BOK: variants seen among roughly 807,000 people sequenced by gnomAD.
The protein encoded by BOK is BCL2 family apoptosis regulator BOK.
BOK carries 20 observed loss-of-function variants against 18.3 expected under a neutral mutation model. The ratio of observed to expected loss-of-function variants is 1.09; its 90% CI spans 0.77 to 1.59. The LOEUF (loss-of-function observed/expected upper bound fraction) is 1.59. Ranked by LOEUF, BOK falls within the 40% of genes most tolerant of loss-of-function variation. The pLI is 0.00. For synonymous variants in BOK, 173 were observed against 142.4 expected, an observed-to-expected ratio of 1.21 and a Z score of -1.53; for missense variants, 348 against 307.9, an observed-to-expected ratio of 1.13 and a Z score of -0.97.
At chr2:241,557,616 T>A (rs1448511966), upstream of BOK, among the ~76,000 whole-genome samples, 3 of 152,166 alleles carry the variant, frequency 2.0e-5, no homozygotes, top group African/African-American at 7.2e-5. Context: ...CTGGCCTAAT[T>A]TTCAATCCTT....
chr2:241,559,569 C>G lies in BOK; in HGVS notation c.86C>G (p.Ala29Gly), dbSNP rs142158341. 0.015 allele frequency: 23,368 copies of G among 1,526,298 alleles called. 222 individuals are homozygous for G. Among genetic ancestry groups the G allele is most frequent in the Non-Finnish European group, 0.019 (21,241 of 1,145,994 alleles). The allele number at this position is 1,526,298 out of a possible 1,614,324, so 94.5% of individuals were successfully genotyped here. Reference protein sequence around the residue: ...DRSPTDKELVAQAKALGREYV... With the variant: ...DRSPTDKELVGQAKALGREYV... ...TCGCCCACAGACAAGGAGCTGGTGG[C>G]CCAGGCCAAGGCGCTGGGCCGGGAG... Residue 29 changes from alanine to glycine, a missense_variant, in exon 2 of 5, where the codon GCC (alanine) becomes GGC (glycine). Coordinates refer to ENST00000318407, the MANE Select transcript of BOK (RefSeq NM_032515.5).
At chr2:241,556,998 C>T (rs925328248), upstream of BOK, among the ~76,000 whole-genome samples, 2 of 152,200 alleles carry the variant, frequency 1.3e-5, no homozygotes, top group Non-Finnish European at 2.9e-5. Flanking sequence ...TTCAAATGCA[C>T]TGTCAAAAAG....
At chr2:241,551,814 G>A (rs970299139) in intron 1 of BOK, among the ~76,000 whole-genome samples, 3 of 152,182 alleles carry the variant, frequency 2.0e-5, no homozygotes, top group East Asian at 1.9e-4. Context: ...AGGTTCGACC[G>A]CAGCGAGGGT....
chr2:241,562,424 G>A lies in BOK; in HGVS notation c.297G>A (p.Glu99=). ...ARQLHISLQS[E]PVVTDAFLAV... ...AGCTGCACATCTCCCTGCAGTCTGA[G>A]CCTGTGGTGACCGATGCGTTCCTGG... Residue 99 remains glutamate, a synonymous_variant, in exon 3 of 5, where the codon GAG becomes GAA. Transcript: ENST00000318407. This position sits in a 1 kb window ranked among gnomAD's most constrained non-coding sequence, Gnocchi z 4.5. 6.2e-7 allele frequency: 1 copy of A among 1,612,304 alleles called. No homozygotes were observed. The highest frequency in any genetic ancestry group is 8.5e-7 in the Non-Finnish European group (1 of 1,179,890).
chr2:241,554,538 C>T (rs2066437014), upstream of BOK, among the ~76,000 whole-genome samples: 1 of 152,222 alleles, frequency 6.6e-6, no homozygotes, highest in Admixed American at 6.5e-5. Flanking sequence ...GGCCTGACTG[C>T]TTAACACCTT....
At chr2:241,559,970 C>G (rs766403582) in intron 2 of BOK, 26 of 720,082 alleles carry the variant, frequency 3.6e-5, no homozygotes, top group Non-Finnish European at 4.4e-5. Flanking sequence ...AAAGAATAAT[C>G]TATTAGTGGG....
At chr2:241,558,344 C>T (rs772666288), upstream of BOK, among the ~76,000 whole-genome samples, 1 of 152,160 alleles carries the variant, frequency 6.6e-6, no homozygotes, top group Non-Finnish European at 1.5e-5. Flanking sequence ...ATAAATTGGA[C>T]ATCACTAAGA....
chr2:241,572,230 G>GC (rs2125057487), intron 4 of BOK, 67 bp from the exon 5 acceptor site: 2 of 1,586,398 alleles, frequency 1.3e-6, no homozygotes, highest in African/African-American at 2.7e-5. Context: ...GTGCTGGGGG[G>GC]CCTGGCGGTG....
Position 241,559,620 on chromosome 2 carries a change from C to G in BOK, c.137C>G (p.Ala46Gly). The G allele has an allele frequency of 6.8e-7, 1 of 1,469,780 alleles. No homozygotes were observed. The highest frequency in any genetic ancestry group is 9.0e-7 in the Non-Finnish European group (1 of 1,117,174). 91.0% of individuals were successfully genotyped at this position (1,469,780 alleles called of 1,614,324 possible). A position where few individuals can be genotyped will look rare whatever the true frequency, so the allele number is the denominator to read the frequency against. ...TACGTGCACGCGCGGCTGCTGCGCG[C>G]CGGCCTCTCCTGGAGCGCGCCCGAG... ...REYVHARLLR[A>G]GLSWSAPERA... Residue 46 changes from alanine (A) to glycine (G), a missense_variant, in exon 2 of 5, where the codon GCC becomes GGC. Coordinates refer to ENST00000318407, the MANE Select transcript of BOK (RefSeq NM_032515.5).
chr2:241,561,064 C>T (rs2066519765), intron 2 of BOK, among the ~76,000 whole-genome samples: 1 of 152,234 alleles, frequency 6.6e-6, no homozygotes, highest in Non-Finnish European at 1.5e-5. Flanking sequence ...TGGGAATTTC[C>T]ATGTCGTCCC....
At chr2:241,558,407 T>G (rs553190817), upstream of BOK, among the ~76,000 whole-genome samples, 1 of 152,228 alleles carries the variant, frequency 6.6e-6, no homozygotes, top group Admixed American at 6.5e-5. Context: ...AGGAAGATAT[T>G]TGCAATAACT....
chr2:241,566,426 G>T (rs2066615623), intron 3 of BOK, among the ~76,000 whole-genome samples: 1 of 150,244 alleles, frequency 6.7e-6, no homozygotes, highest in South Asian at 2.2e-4. Flanking sequence ...AGCCTCTCGA[G>T]TAGCTGGGAT....
intron 1 of BOK, among the ~76,000 whole-genome samples, chr2:241,552,400 C>T (rs903353833): frequency 2.0e-5 from 3 of 152,204 alleles, no homozygotes; most frequent in Non-Finnish European, 2.9e-5. Context: ...TCCCTCTGGC[C>T]TCTCCACGCC....
At chr2:241,571,818 G>A (rs571521806) in intron 4 of BOK, among the ~76,000 whole-genome samples, 11 of 152,380 alleles carry the variant, frequency 7.2e-5, no homozygotes, top group Non-Finnish European at 1.3e-4. Flanking sequence ...TTCCGGAAAC[G>A]CAGTCCCTGC....
At chr2:241,557,664 A>T (rs916647546), upstream of BOK, among the ~76,000 whole-genome samples, 1 of 152,156 alleles carries the variant, frequency 6.6e-6, no homozygotes, top group African/African-American at 2.4e-5. Context: ...GCAGTGTTTT[A>T]GTTGCACTGT....
chr2:241,572,230 G>A (rs2066735681), intron 4 of BOK, 67 bp from the exon 5 acceptor site: 12 of 1,586,280 alleles, frequency 7.6e-6, no homozygotes, highest in Non-Finnish European at 9.4e-6. Flanking sequence ...GTGCTGGGGG[G>A]CCTGGCGGTG....
At chr2:241,565,627 G>C (rs1300177895) in intron 3 of BOK, among the ~76,000 whole-genome samples, 1 of 152,168 alleles carries the variant, frequency 6.6e-6, no homozygotes, top group African/African-American at 2.4e-5. Context: ...TGTGCGCCCT[G>C]CCCAGCCCCT....
At chr2:241,565,969 C>G (rs1304316467) in intron 3 of BOK, among the ~76,000 whole-genome samples, 1 of 152,082 alleles carries the variant, frequency 6.6e-6, no homozygotes, top group African/African-American at 2.4e-5. Flanking sequence ...TATAATTCTT[C>G]TAATTATAGT....
At chr2:241,568,730 C>T (rs909376946) in intron 3 of BOK, among the ~76,000 whole-genome samples, 7 of 152,230 alleles carry the variant, frequency 4.6e-5, no homozygotes, top group African/African-American at 1.7e-4. Flanking sequence ...CCTTCTGTGG[C>T]TGAGTAACAT....
Sources: allele counts gnomAD v4.1 joint callset (sites outside exome capture counted in the v4.1 genomes callset), GRCh38; gene constraint gnomAD v4.1.1; non-coding constraint Gnocchi (gnomAD v3.1); transcripts MANE v1.5; gene names NCBI Gene and HGNC (gene_info 2026-07-23, HGNC 2026-07-21).